The following PTCHD4 variants were observed in gnomAD, a reference collection of about 807,000 sequenced individuals.
The protein encoded by PTCHD4 is patched domain-containing protein 4.
In PTCHD4, 33 loss-of-function variants were observed where a neutral mutation model predicts 58.1. The ratio of observed to expected loss-of-function variants is 0.57; its 90% CI spans 0.43 to 0.76. The LOEUF is 0.76. Among genes scored for constraint, PTCHD4 ranks in the 30% least tolerant of loss-of-function variants. The probability of loss-of-function intolerance (pLI) is 0.00; values close to 1 mark genes in which losing one functional copy is unlikely to be tolerated. For synonymous variants in PTCHD4, 478 were observed against 409.6 expected (o/e 1.17, Z -2.02); for missense variants, 1,058 against 1,027.1 (o/e 1.03, Z -0.41).
At chr6:48,047,209 A>G (rs543939977) in intron 3 of PTCHD4, among the ~76,000 whole-genome samples, 1 of 151,884 alleles carries the variant, frequency 6.6e-6, no homozygotes, top group Admixed American at 6.6e-5. Flanking sequence ...TCAAGAGAAT[A>G]TAGCTGTTAC....
intron 4 of PTCHD4, among the ~76,000 whole-genome samples, chr6:47,915,418 A>G (rs1765212599): frequency 6.6e-6 from 1 of 152,142 alleles, no homozygotes; most frequent in African/African-American, 2.4e-5. Context: ...GATGCTGACA[A>G]TTCCTGGGTA....
rs568575978 is a variant in PTCHD4, at chr6:47,872,417, C to T, written c.*5886G>A. 6.6e-6 allele frequency among the ~76,000 whole-genome samples: 1 copy of T among 151,716 alleles called. No individual in the cohort carries two copies. The highest frequency in any genetic ancestry group is 2.1e-4 in the South Asian group (1 of 4,820). On this transcript the variant is annotated 3_prime_UTR_variant, in exon 5 of 5. Coordinates refer to ENST00000339488, the MANE Select transcript of PTCHD4 (RefSeq NM_001384253.1). The stretch of plus-strand genomic sequence containing the variant: ...AGAGGGAAAGAAAACCGTAATGCTC[C>T]TCTATTAGACCATGCCATTAGCTGT...
intron 4 of PTCHD4, among the ~76,000 whole-genome samples, chr6:47,982,519 C>G (rs1365309382): frequency 7.5e-6 from 1 of 133,378 alleles, no homozygotes; most frequent in Non-Finnish European, 1.5e-5. Context: ...GATGGAGTCT[C>G]GCTCAGTCGC....
At chr6:47,906,858 G>A (rs1196981218) in intron 4 of PTCHD4, among the ~76,000 whole-genome samples, 1 of 152,084 alleles carries the variant, frequency 6.6e-6, no homozygotes. Context: ...CTTTTGGGGA[G>A]CCCACTTATA....
rs113520108 is a variant in PTCHD4, at chr6:47,950,917, G to A, written c.898+57717C>T. 2.4e-3 allele frequency among the ~76,000 whole-genome samples: 358 copies of A among 152,260 alleles called. 2 individuals are homozygous for A. Among genetic ancestry groups the A allele is most frequent in the African/African-American group, 8.2e-3 (340 of 41,562 alleles). On this transcript the variant is annotated intron_variant, in intron 4 of 4. Coordinates refer to ENST00000339488, the MANE Select transcript of PTCHD4 (RefSeq NM_001384253.1). ...GATTCTGGAGGTCAAATTAAGAATG[G>A]AATAGTCAATGTGTCAATTGATGGA...
chr6:48,095,815 C>A (rs560655468), intron 1 of PTCHD4, among the ~76,000 whole-genome samples: 1 of 151,302 alleles, frequency 6.6e-6, no homozygotes, highest in Non-Finnish European at 1.5e-5. Context: ...GAGCAAAAGG[C>A]AGTGCATCAG....
At chr6:48,026,012 A>G (rs1763231474) in intron 3 of PTCHD4, among the ~76,000 whole-genome samples, 1 of 152,190 alleles carries the variant, frequency 6.6e-6, no homozygotes, top group African/African-American at 2.4e-5. Context: ...CATCCAGAAC[A>G]GACAATAAGT....
intron 3 of PTCHD4, among the ~76,000 whole-genome samples, chr6:48,065,976 A>G (rs1764782118): frequency 6.6e-6 from 1 of 152,196 alleles, no homozygotes; most frequent in African/African-American, 2.4e-5. Context: ...ATCAACCACC[A>G]AACAGCATAA....
At chr6:48,025,911 G>T (rs1763227142) in intron 3 of PTCHD4, among the ~76,000 whole-genome samples, 1 of 151,992 alleles carries the variant, frequency 6.6e-6, no homozygotes, top group African/African-American at 2.4e-5. Context: ...TACTCAATTG[G>T]AAAAATAAAG....
At chr6:47,897,940 C>CTTTTTTTTTTTTTTTTTT (rs67063892) in intron 4 of PTCHD4, among the ~76,000 whole-genome samples, 80 of 76,328 alleles carry the variant, frequency 1.0e-3, no homozygotes, top group Non-Finnish European at 1.3e-3. Flanking sequence ...TTCTTTCTTT[C>CTTTTTTTTTTTTTTTTTT]TTTTTTTTTT....
chr6:47,895,290 C>A (rs1444766544), intron 4 of PTCHD4, among the ~76,000 whole-genome samples: 1 of 152,058 alleles, frequency 6.6e-6, no homozygotes, highest in Non-Finnish European at 1.5e-5. Context: ...GGTTTCTAAA[C>A]CTATATAAAA....
At chr6:47,941,728 A>G (rs534594364) in intron 4 of PTCHD4, among the ~76,000 whole-genome samples, 1 of 152,332 alleles carries the variant, frequency 6.6e-6, no homozygotes, top group African/African-American at 2.4e-5. Context: ...TAATGATAGT[A>G]CCTACCTTAC....
At chr6:48,009,255 G>T in intron 3 of PTCHD4, 141 bp from the exon 4 acceptor site, 1 of 864,604 alleles carries the variant, frequency 1.2e-6, no homozygotes, top group Non-Finnish European at 1.7e-6. Flanking sequence ...AGGCAAGTTA[G>T]AATTTTATAT....
intron 1 of PTCHD4, among the ~76,000 whole-genome samples, chr6:48,098,194 G>T (rs559814396): frequency 3.9e-4 from 60 of 152,190 alleles, no homozygotes; most frequent in African/African-American, 1.4e-3. Context: ...CAAAACAACT[G>T]CAACAAGGAG....
chr6:48,098,187 A>C (rs1182828328), intron 1 of PTCHD4, among the ~76,000 whole-genome samples: 1 of 152,170 alleles, frequency 6.6e-6, no homozygotes, highest in African/African-American at 2.4e-5. Context: ...CCCAACACAA[A>C]ACAACTGCAA....
chr6:47,913,061 T>C (rs1339445541), intron 4 of PTCHD4, among the ~76,000 whole-genome samples: 2 of 152,130 alleles, frequency 1.3e-5, no homozygotes, highest in Admixed American at 6.6e-5. Flanking sequence ...TTACAGTTTG[T>C]ATTTGTTAAA....
chr6:48,076,756 GATATTCCA>G (rs1284905835), intron 1 of PTCHD4, among the ~76,000 whole-genome samples: 1 of 152,206 alleles, frequency 6.6e-6, no homozygotes, highest in African/African-American at 2.4e-5. Context: ...CAGATTCACA[GATATTCCA>G]GGGATGCCTT....
At chr6:48,024,069 G>T (rs1763158509) in intron 3 of PTCHD4, among the ~76,000 whole-genome samples, 1 of 152,128 alleles carries the variant, frequency 6.6e-6, no homozygotes, top group Non-Finnish European at 1.5e-5. Flanking sequence ...GCTATAAAAT[G>T]GGACTGTCTA....
At chr6:47,936,574 C>T (rs1766006206) in intron 4 of PTCHD4, among the ~76,000 whole-genome samples, 2 of 152,098 alleles carry the variant, frequency 1.3e-5, no homozygotes, top group South Asian at 4.1e-4. Flanking sequence ...TTTTGGCTTC[C>T]AGTTCAATGT....
Sources: gnomAD v4.1 joint callset for allele counts (sites outside exome capture counted in the v4.1 genomes callset) on GRCh38, gnomAD v4.1.1 for gene constraint, MANE v1.5 for transcripts, NCBI Gene and HGNC (gene_info 2026-07-23, HGNC 2026-07-21) for gene names.